The following CPXM2 variants were observed in gnomAD, a reference collection of about 807,000 sequenced individuals.
CPXM2 encodes carboxypeptidase X, M14 family member 2.
Under a neutral mutation model 86.1 loss-of-function variants are expected in CPXM2, and 66 were observed. That is an observed-to-expected ratio of 0.77 (90% CI 0.63 to 0.94). CPXM2 has a LOEUF of 0.94. CPXM2 is among the 40% of genes least tolerant of loss of function. The pLI is 0.00. For missense variants in CPXM2, 948 were observed against 1,026.3 expected, an observed-to-expected ratio of 0.92 and a Z score of 1.04; for synonymous variants, 388 against 400.2, an observed-to-expected ratio of 0.97 and a Z score of 0.36.
At chr10:123,907,144 C>T (rs117488370) in intron 2 of CPXM2, among the ~76,000 whole-genome samples, 5 of 152,290 alleles carry the variant, frequency 3.3e-5, no homozygotes, top group Non-Finnish European at 7.3e-5. Context: ...CGAGTGTTTA[C>T]GAGAGACTGC....
intron 2 of CPXM2, among the ~76,000 whole-genome samples, 155 bp downstream of exon 2, chr10:123,880,056 G>GC (rs1945055942): frequency 6.6e-6 from 1 of 152,112 alleles, no homozygotes; most frequent in Admixed American, 6.5e-5. Flanking sequence ...GAATGTTCTC[G>GC]CCCCCGCACC....
intron 4 of CPXM2, among the ~76,000 whole-genome samples, chr10:123,821,165 C>T (rs1847915962): frequency 6.6e-6 from 1 of 152,184 alleles, no homozygotes; most frequent in African/African-American, 2.4e-5. Flanking sequence ...GCTTAGGGCA[C>T]AGTAAGAAAG....
intron 2 of CPXM2, among the ~76,000 whole-genome samples, chr10:123,921,483 A>G (rs1452009818): frequency 6.6e-6 from 1 of 152,252 alleles, no homozygotes; most frequent in Admixed American, 6.5e-5. Flanking sequence ...CAAAAAATAC[A>G]GCTAGCCTCA....
chr10:123,868,400 G>C (rs1944833222), intron 2 of CPXM2, among the ~76,000 whole-genome samples: 1 of 152,178 alleles, frequency 6.6e-6, no homozygotes, highest in Non-Finnish European at 1.5e-5. Context: ...CGGCGTCCAG[G>C]AAACCTCCAT....
In CPXM2 at chr10:123,835,123, C is replaced by T. The variant is rs192001753; in HGVS notation, c.653+7226G>A. ...AACACCAATGGACTAAGACATGGGT[C>T]AAGGGGTGGGGGAGTTAGTGAGCTA... On this transcript the variant is annotated intron_variant, in intron 4 of 13. Transcript: ENST00000241305. Among the ~76,000 whole-genome samples, 6 of 152,216 alleles carry T rather than the reference C, an allele frequency of 3.9e-5. No homozygotes were observed. The East Asian group carries it at 1.2e-3, about 29-fold the overall frequency.
At chr10:123,874,614 A>G (rs1042517250) in intron 2 of CPXM2, among the ~76,000 whole-genome samples, 1 of 152,204 alleles carries the variant, frequency 6.6e-6, no homozygotes, top group African/African-American at 2.4e-5. Context: ...AACATGGTAA[A>G]TTTGGTTTTC....
intron 11 of CPXM2, among the ~76,000 whole-genome samples, chr10:123,760,153 G>A (rs1420175508): frequency 6.6e-6 from 1 of 152,152 alleles, no homozygotes; most frequent in Admixed American, 6.5e-5. Context: ...AAAATCAAAC[G>A]CTACCTATGT....
intron 2 of CPXM2, among the ~76,000 whole-genome samples, chr10:123,922,508 C>T (rs1389371212): frequency 1.3e-5 from 2 of 152,218 alleles, no homozygotes; most frequent in African/African-American, 4.8e-5. Context: ...GCAACACTGA[C>T]TAAGTGCTGG....
intron 2 of CPXM2, among the ~76,000 whole-genome samples, chr10:123,918,383 C>T (rs1050035232): frequency 2.0e-5 from 3 of 152,170 alleles, no homozygotes; most frequent in Non-Finnish European, 2.9e-5. Context: ...CAACTAAAAA[C>T]TCAGGACAGA....
chr10:123,760,284 CT>C (rs1007433492), intron 11 of CPXM2, among the ~76,000 whole-genome samples: 19 of 152,072 alleles, frequency 1.2e-4, no homozygotes, highest in Non-Finnish European at 2.1e-4. Context: ...TTACTTAAAG[CT>C]TTTGGTAGGT....
intron 12 of CPXM2, among the ~76,000 whole-genome samples, chr10:123,756,581 C>A (rs955358755): frequency 6.6e-6 from 1 of 151,520 alleles, no homozygotes; most frequent in South Asian, 2.1e-4. Flanking sequence ...CCCCACCCCA[C>A]CCCGACCCCC....
intron 4 of CPXM2, among the ~76,000 whole-genome samples, chr10:123,830,868 C>CTGTGTGTG (rs1564788804): frequency 3.1e-5 from 3 of 97,654 alleles, no homozygotes; most frequent in Non-Finnish European, 6.5e-5. Flanking sequence ...CTCTCTCTCT[C>CTGTGTGTG]TCTCTGTGTG....
intron 7 of CPXM2, among the ~76,000 whole-genome samples, chr10:123,773,497 A>C (rs1478337505): frequency 1.3e-5 from 2 of 152,230 alleles, no homozygotes; most frequent in African/African-American, 4.8e-5. Context: ...TACACTGCAG[A>C]TCATTGAGGA....
intron 3 of CPXM2, among the ~76,000 whole-genome samples, chr10:123,861,195 G>A (rs1848842212): frequency 6.6e-6 from 1 of 152,202 alleles, no homozygotes; most frequent in South Asian, 2.1e-4. Flanking sequence ...AGCTTTGAGT[G>A]CACCCTTGAT....
intron 2 of CPXM2, among the ~76,000 whole-genome samples, chr10:123,905,672 A>C (rs565955532): frequency 6.6e-6 from 1 of 151,794 alleles, no homozygotes; most frequent in African/African-American, 2.4e-5. Flanking sequence ...GCTCCTTCCC[A>C]CGCAGCTTCT....
intron 3 of CPXM2, among the ~76,000 whole-genome samples, chr10:123,857,731 A>G (rs1021151058): frequency 6.6e-6 from 1 of 152,204 alleles, no homozygotes; most frequent in Admixed American, 6.5e-5. Flanking sequence ...GAACCTGAGC[A>G]ATGCACCAGC....
intron 2 of CPXM2, among the ~76,000 whole-genome samples, chr10:123,897,796 A>G (rs981543270): frequency 5.9e-5 from 9 of 152,278 alleles, no homozygotes; most frequent in African/African-American, 1.9e-4. Context: ...GAAGCCAAGA[A>G]GCAAAGCAGA....
chr10:123,834,095 G>A (rs1057409968), intron 4 of CPXM2, among the ~76,000 whole-genome samples: 1 of 152,192 alleles, frequency 6.6e-6, no homozygotes, highest in Non-Finnish European at 1.5e-5. Flanking sequence ...GGTAGGTCTG[G>A]AATCCCAGTC....
intron 2 of CPXM2, among the ~76,000 whole-genome samples, chr10:123,913,280 G>A (rs1184646151): frequency 3.3e-5 from 5 of 152,186 alleles, no homozygotes; most frequent in South Asian, 2.1e-4. Context: ...CAGATATGCC[G>A]AAGAAGTGCA....
Sources: gnomAD v4.1 joint callset for allele counts (sites outside exome capture counted in the v4.1 genomes callset) on GRCh38, gnomAD v4.1.1 for gene constraint, MANE v1.5 for transcripts, NCBI Gene and HGNC (gene_info 2026-07-23, HGNC 2026-07-21) for gene names.